Variants in ZNF385B observed in about 807,000 individuals in gnomAD.
ZNF385B encodes zinc finger protein 385B, also known as zinc finger protein 533.
Under a neutral mutation model 39.2 loss-of-function variants are expected in ZNF385B, and 23 were observed. The observed-to-expected ratio is 0.59, with a 90% CI of 0.42 to 0.83. The LOEUF is 0.83. Ranked by LOEUF, ZNF385B falls within the 40% of genes least tolerant of loss-of-function variation. The pLI, the probability that ZNF385B is intolerant of heterozygous loss-of-function variation, is 0.00. For missense variants in ZNF385B, 552 were observed against 598.9 expected, an observed-to-expected ratio of 0.92 and a Z score of 0.82; for synonymous variants, 205 against 222.6, an observed-to-expected ratio of 0.92 and a Z score of 0.70.
At chr2:179,736,572 T>C (rs1445055628) in intron 3 of ZNF385B, among the ~76,000 whole-genome samples, 1 of 152,220 alleles carries the variant, frequency 6.6e-6, no homozygotes, top group African/African-American at 2.4e-5. Flanking sequence ...TAAAATGTGA[T>C]AATAACGTTA....
intron 6 of ZNF385B, among the ~76,000 whole-genome samples, chr2:179,447,978 CTTTT>C: frequency 6.9e-6 from 1 of 145,554 alleles, no homozygotes; most frequent in Admixed American, 6.8e-5. Flanking sequence ...GATTTCCATC[CTTTT>C]TTTTTTTTTT....
chr2:179,518,505 A>G, intron 5 of ZNF385B, 23 bp downstream of exon 5: 1 of 1,498,242 alleles, frequency 6.7e-7, no homozygotes, highest in Non-Finnish European at 9.2e-7. Context: ...AACTACAGAG[A>G]ATAATGAAAA....
At chr2:179,742,437 T>C (rs1052046096) in intron 3 of ZNF385B, among the ~76,000 whole-genome samples, 3 of 152,120 alleles carry the variant, frequency 2.0e-5, no homozygotes, top group African/African-American at 7.2e-5. Context: ...GCTAAACAAC[T>C]AACAATTTTC....
chr2:179,548,408 G>A (rs1559455643), intron 3 of ZNF385B, among the ~76,000 whole-genome samples: 1 of 148,298 alleles, frequency 6.7e-6, no homozygotes, highest in Non-Finnish European at 1.5e-5. Context: ...TGGCATGTAA[G>A]GTTTGTTTGT....
rs2049038686 is a variant in ZNF385B at position 179,442,223 on chromosome 2, A to T, written c.*1027T>A. 1 of 152,622 alleles carries T rather than the reference A, an allele frequency of 6.6e-6. No homozygotes were observed. Among genetic ancestry groups the T allele is most frequent in the South Asian group, 2.1e-4 (1 of 4,832 alleles). 9.5% of individuals were successfully genotyped at this position (152,622 alleles called of 1,614,324 possible). ...AGAAAGACAAATTGTTCAATTATAAATTTTTTTATCTTCTGTACATTATTG... is the reference window on the plus strand; with the variant it reads ...AGAAAGACAAATTGTTCAATTATAATTTTTTTTATCTTCTGTACATTATTG... On this transcript the variant is annotated 3_prime_UTR_variant, in exon 10 of 10. Coordinates refer to ENST00000410066, the MANE Select transcript of ZNF385B (RefSeq NM_152520.6).
intron 1 of ZNF385B, among the ~76,000 whole-genome samples, chr2:179,858,896 T>C (rs909600025): frequency 6.6e-6 from 1 of 152,184 alleles, no homozygotes; most frequent in African/African-American, 2.4e-5. Flanking sequence ...AATCAAGCAA[T>C]GATATCTTCA....
intron 3 of ZNF385B, among the ~76,000 whole-genome samples, chr2:179,728,631 A>T (rs1701174680): frequency 6.6e-6 from 1 of 152,152 alleles, no homozygotes; most frequent in Non-Finnish European, 1.5e-5. Context: ...TTTGATTTTA[A>T]ATTTACTATT....
At chr2:179,746,829 T>TA (rs1702410607) in intron 3 of ZNF385B, among the ~76,000 whole-genome samples, 2 of 152,172 alleles carry the variant, frequency 1.3e-5, no homozygotes, top group Middle Eastern at 3.4e-3. Context: ...CAGAAATACA[T>TA]ATACCCCAGA....
At chr2:179,455,389 T>C (rs1036152399) in intron 6 of ZNF385B, among the ~76,000 whole-genome samples, 2 of 152,052 alleles carry the variant, frequency 1.3e-5, no homozygotes, top group African/African-American at 4.8e-5. Context: ...ATTACCTCCA[T>C]GCTGCTGGTT....
In ZNF385B at chr2:179,446,630, CG is replaced by C. The variant is rs1355171194; in HGVS notation, c.855del (p.Gly286ValfsTer24). 1 of 1,613,816 alleles carries C rather than the reference CG, an allele frequency of 6.2e-7. No homozygotes were observed. Among genetic ancestry groups the C allele is most frequent in the African/African-American group, 1.3e-5 (1 of 74,850 alleles). On this transcript the variant is annotated frameshift_variant, in exon 7 of 10. Coordinates refer to ENST00000410066, the MANE Select transcript of ZNF385B (RefSeq NM_152520.6). LOFTEE classifies it high-confidence loss of function. Reference protein sequence around the residue: ...TSPSKSTNGAPGTVVESEEEK... With the variant: ...TSPSKSTNGAXGTVVESEEEK... ...TCTTCTTCTGATTCAACAACAGTAC[CG>C]GGAGCTCCATTTGTGCTCTTGGAGG...
intron 6 of ZNF385B, among the ~76,000 whole-genome samples, chr2:179,452,239 T>G (rs2050219791): frequency 6.6e-6 from 1 of 152,148 alleles, no homozygotes; most frequent in African/African-American, 2.4e-5. Context: ...TGAAAACTCT[T>G]TTCTTTGATA....
Position 179,860,029 on chromosome 2 carries a change from G to A in ZNF385B, c.-155+1072C>T, listed in dbSNP as rs576216058. 1.4e-4 allele frequency among the ~76,000 whole-genome samples: 22 copies of A among 152,246 alleles called. No individual in the cohort carries two copies. In the South Asian group the frequency reaches 4.1e-3, roughly 29 times the overall value. ...CTACCGTTTCATGAATTGTGTGGAC[G>A]CTGCCAGTTTCCACGCTTTAGGCTA... On this transcript the variant is annotated intron_variant, in intron 1 of 9. Coordinates refer to ENST00000410066, the MANE Select transcript of ZNF385B (RefSeq NM_152520.6).
intron 3 of ZNF385B, among the ~76,000 whole-genome samples, chr2:179,706,275 C>G (rs566536291): frequency 6.6e-6 from 1 of 152,210 alleles, no homozygotes; most frequent in East Asian, 1.9e-4. Context: ...AGTGAAAATG[C>G]CATATAAACT....
intron 3 of ZNF385B, among the ~76,000 whole-genome samples, chr2:179,729,960 A>T (rs1335712583): frequency 2.0e-5 from 3 of 152,170 alleles, no homozygotes; most frequent in Non-Finnish European, 4.4e-5. Context: ...ACTGTGAGTC[A>T]ATTAAACCTC....
intron 5 of ZNF385B, among the ~76,000 whole-genome samples, chr2:179,506,654 C>A (rs923641389): frequency 1.3e-5 from 2 of 151,800 alleles, no homozygotes; most frequent in Non-Finnish European, 2.9e-5. Flanking sequence ...AACTGTTTAC[C>A]TTTTTCTCTT....
intron 3 of ZNF385B, among the ~76,000 whole-genome samples, chr2:179,565,774 C>T (rs1162202246): frequency 1.3e-5 from 2 of 152,238 alleles, no homozygotes; most frequent in Non-Finnish European, 2.9e-5. Context: ...AATGCCATCT[C>T]TTCCACGAAG....
intron 3 of ZNF385B, among the ~76,000 whole-genome samples, chr2:179,574,805 G>A (rs1023329063): frequency 6.6e-6 from 1 of 152,146 alleles, no homozygotes; most frequent in African/African-American, 2.4e-5. Flanking sequence ...AAGGAGGGAT[G>A]TTAGGGGGGA....
At chr2:179,525,781 T>C (rs1211351393) in intron 4 of ZNF385B, among the ~76,000 whole-genome samples, 1 of 152,196 alleles carries the variant, frequency 6.6e-6, no homozygotes, top group African/African-American at 2.4e-5. Context: ...CAAATATTCA[T>C]GAAAGAACAT....
chr2:179,853,309 C>A (rs1684329128), intron 1 of ZNF385B, among the ~76,000 whole-genome samples: 1 of 152,168 alleles, frequency 6.6e-6, no homozygotes, highest in South Asian at 2.1e-4. Context: ...GGATCACTCC[C>A]TCACTTGGGT....
Sources: gnomAD v4.1 joint callset for allele counts (sites outside exome capture counted in the v4.1 genomes callset) on GRCh38, gnomAD v4.1.1 for gene constraint, MANE v1.5 for transcripts, NCBI Gene and HGNC (gene_info 2026-07-23, HGNC 2026-07-21) for gene names.